NCKAP5: variants seen among roughly 807,000 people sequenced by gnomAD.
The protein encoded by NCKAP5 is nck-associated protein 5.
NCKAP5 carries 92 observed loss-of-function variants against 167.0 expected under a neutral mutation model. That is an observed-to-expected ratio of 0.55 (90% CI 0.47 to 0.66). NCKAP5 has a LOEUF of 0.66. NCKAP5 is among the 30% of genes least tolerant of loss of function. The pLI, the probability that NCKAP5 is intolerant of heterozygous loss-of-function variation, is 0.00. For synonymous variants in NCKAP5, 891 were observed against 877.4 expected (o/e 1.02, Z -0.27); for missense variants, 2,378 against 2,315.0 (o/e 1.03, Z -0.56).
intron 6 of NCKAP5, among the ~76,000 whole-genome samples, chr2:133,022,041 T>C (rs1054201638): frequency 2.0e-5 from 3 of 152,218 alleles, no homozygotes; most frequent in African/African-American, 7.2e-5. Flanking sequence ...GGACCTAGCA[T>C]CTGGCTTCAG....
At chr2:133,602,890 G>A in the NCKAP5 span, among the ~76,000 whole-genome samples, 1 of 152,288 alleles carries the variant, frequency 6.6e-6, no homozygotes, top group South Asian at 2.1e-4. Context: ...CTGAATGTCA[G>A]GGCAGTAGTG....
intron 6 of NCKAP5, among the ~76,000 whole-genome samples, chr2:133,037,498 C>A (rs1163119822): frequency 6.6e-6 from 1 of 151,994 alleles, no homozygotes; most frequent in Non-Finnish European, 1.5e-5. Flanking sequence ...ATCCACACAC[C>A]TACAGTGAAC....
At chr2:133,038,069 A>G (rs2079094995) in intron 6 of NCKAP5, among the ~76,000 whole-genome samples, 1 of 152,216 alleles carries the variant, frequency 6.6e-6, no homozygotes, top group African/African-American at 2.4e-5. Flanking sequence ...GATGCCTCAA[A>G]AAAACTAAAA....
At chr2:133,140,960 T>C (rs1167364051) in intron 5 of NCKAP5, among the ~76,000 whole-genome samples, 1 of 152,062 alleles carries the variant, frequency 6.6e-6, no homozygotes. Context: ...CCCCATAGAA[T>C]ATTAGCATAT....
chr2:133,325,575 T>C (rs1294936035), intron 3 of NCKAP5, among the ~76,000 whole-genome samples: 2 of 152,172 alleles, frequency 1.3e-5, no homozygotes, highest in African/African-American at 4.8e-5. Flanking sequence ...AATTGCTCAG[T>C]TATTGTTGGG....
intron 11 of NCKAP5, among the ~76,000 whole-genome samples, chr2:132,849,251 T>C (rs958787445): frequency 6.6e-6 from 1 of 151,090 alleles, no homozygotes; most frequent in African/African-American, 2.5e-5. Context: ...CCCCCTCTTT[T>C]TGAAAGTTAA....
At chr2:133,485,681 T>C (rs1422267307) in intron 3 of NCKAP5, among the ~76,000 whole-genome samples, 1 of 152,212 alleles carries the variant, frequency 6.6e-6, no homozygotes, top group Non-Finnish European at 1.5e-5. Flanking sequence ...CAAGTGTGTG[T>C]TGGTTACAAA....
intron 11 of NCKAP5, among the ~76,000 whole-genome samples, chr2:132,800,400 C>T (rs899412378): frequency 1.3e-5 from 2 of 152,284 alleles, no homozygotes; most frequent in Non-Finnish European, 1.5e-5. Flanking sequence ...CAGGACTACT[C>T]AGTATAGGTT....
At chr2:133,575,828 T>C in the NCKAP5 span, among the ~76,000 whole-genome samples, 1 of 152,176 alleles carries the variant, frequency 6.6e-6, no homozygotes, top group Non-Finnish European at 1.5e-5. Flanking sequence ...GCTCATCCCT[T>C]ATTGACTCCT....
chr2:133,143,109 A>G (rs1314378217), intron 5 of NCKAP5, among the ~76,000 whole-genome samples: 2 of 151,804 alleles, frequency 1.3e-5, no homozygotes, highest in South Asian at 2.1e-4. Flanking sequence ...TTTTTTAACC[A>G]GGCCTTGAAT....
At chr2:133,368,648 C>G (rs1685601540) in intron 3 of NCKAP5, among the ~76,000 whole-genome samples, 1 of 152,176 alleles carries the variant, frequency 6.6e-6, no homozygotes, top group South Asian at 2.1e-4. Context: ...CTCCAGGCTG[C>G]ATTTTGAAAT....
Position 132,989,057 on chromosome 2 carries a change from A to T in NCKAP5, c.429+5095T>A, listed in dbSNP as rs1437898. On this transcript the variant is annotated intron_variant, in intron 7 of 19. Coordinates refer to ENST00000409261, the MANE Select transcript of NCKAP5 (RefSeq NM_207363.3). ...TGAGTTAGCTAATGTGATTCAATTC[A>T]TATTCCATACAGAAAAGTAGGAACA... Among the ~76,000 whole-genome samples the T allele has an allele frequency of 3.9e-5, 6 of 152,088 alleles. No homozygotes were observed. In the East Asian group the frequency reaches 9.7e-4, roughly 25 times the overall value.
At chr2:133,188,103 T>G (rs1343664746) in intron 5 of NCKAP5, among the ~76,000 whole-genome samples, 2 of 152,068 alleles carry the variant, frequency 1.3e-5, no homozygotes, top group Admixed American at 6.6e-5. Context: ...TTTTTGCAGT[T>G]GCTGGTACTG....
chr2:133,400,698 T>A (rs947370824), intron 3 of NCKAP5, among the ~76,000 whole-genome samples: 20 of 152,166 alleles, frequency 1.3e-4, no homozygotes, highest in Admixed American at 1.2e-3. Context: ...AACTACCAAG[T>A]TTGTGGTAAT....
Position 133,178,827 on chromosome 2 carries a change from CT to C in NCKAP5, c.207+34888del, listed in dbSNP as rs1393444795. Among the ~76,000 whole-genome samples, 9 of 73,972 alleles carry C rather than the reference CT, an allele frequency of 1.2e-4. No individual in the cohort carries two copies. In the South Asian group the frequency reaches 5.1e-3, roughly 42 times the overall value. 48.5% of individuals were successfully genotyped at this position (73,972 alleles called of 152,430 possible). A position where few individuals can be genotyped will look rare whatever the true frequency, so the allele number is the denominator to read the frequency against. On this transcript the variant is annotated intron_variant, in intron 5 of 19. Coordinates refer to ENST00000409261, the MANE Select transcript of NCKAP5 (RefSeq NM_207363.3). Reference sequence around the variant, plus strand: ...GCAACAGAGCAAGGCAAGACTCCGTCTCAAAAAAAAAAAAAAAAAAAAAAAA... The same window carrying C: ...GCAACAGAGCAAGGCAAGACTCCGTCCAAAAAAAAAAAAAAAAAAAAAAAA...
At chr2:133,367,602 C>CA (rs745721303) in intron 3 of NCKAP5, among the ~76,000 whole-genome samples, 7 of 152,076 alleles carry the variant, frequency 4.6e-5, no homozygotes, top group African/African-American at 7.2e-5. Flanking sequence ...ATCTCTTATT[C>CA]AAACCCCTTT....
intron 19 of NCKAP5, among the ~76,000 whole-genome samples, chr2:132,687,018 G>A (rs1457268768): frequency 1.3e-5 from 2 of 152,202 alleles, no homozygotes; most frequent in Non-Finnish European, 2.9e-5. Flanking sequence ...GACAGACTAT[G>A]TCGGTGAGGT....
chr2:133,629,462 T>C, the NCKAP5 span, among the ~76,000 whole-genome samples: 5 of 152,056 alleles, frequency 3.3e-5, no homozygotes, highest in African/African-American at 1.2e-4. Context: ...ATGGTGATTA[T>C]TAAAAAGTCA....
intron 6 of NCKAP5, among the ~76,000 whole-genome samples, chr2:132,997,275 G>A (rs2077631485): frequency 6.6e-6 from 1 of 152,154 alleles, no homozygotes; most frequent in Non-Finnish European, 1.5e-5. Flanking sequence ...GATGGCACAA[G>A]GACTCATTTG....
Sources: allele counts gnomAD v4.1 joint callset (sites outside exome capture counted in the v4.1 genomes callset), GRCh38; gene constraint gnomAD v4.1.1; transcripts MANE v1.5; gene names NCBI Gene and HGNC (gene_info 2026-07-23, HGNC 2026-07-21).